Variants in NKAIN2 observed in about 807,000 individuals in gnomAD.
NKAIN2 encodes the protein sodium/potassium-transporting ATPase subunit beta-1-interacting protein 2.
A neutral mutation model predicts 32.6 loss-of-function variants in NKAIN2; 14 were observed. The ratio of observed to expected loss-of-function variants is 0.43; its 90% CI spans 0.28 to 0.67. NKAIN2 has a LOEUF of 0.67. NKAIN2 is among the 30% of genes least tolerant of loss of function. The pLI is 0.17. For synonymous variants in NKAIN2, 80 were observed against 87.2 expected, an observed-to-expected ratio of 0.92 and a Z score of 0.46; for missense variants, 198 against 258.3, an observed-to-expected ratio of 0.77 and a Z score of 1.60.
intron 3 of NKAIN2, among the ~76,000 whole-genome samples, chr6:124,357,130 G>T (rs1373756526): frequency 2.0e-5 from 3 of 152,040 alleles, no homozygotes; most frequent in African/African-American, 7.2e-5. Context: ...TCTATCCCTT[G>T]GCAATGAAAC....
intron 1 of NKAIN2, among the ~76,000 whole-genome samples, chr6:123,876,599 G>A (rs1244266829): frequency 2.0e-5 from 3 of 152,202 alleles, no homozygotes; most frequent in African/African-American, 7.2e-5. Flanking sequence ...GCTGTTGGTA[G>A]GGAGTCCAGT....
intron 1 of NKAIN2, among the ~76,000 whole-genome samples, chr6:124,065,029 C>A (rs1239167582): frequency 6.6e-6 from 1 of 152,054 alleles, no homozygotes; most frequent in Non-Finnish European, 1.5e-5. Flanking sequence ...AAGAGTGGAC[C>A]ATGAAAATCC....
intron 3 of NKAIN2, among the ~76,000 whole-genome samples, chr6:124,416,581 A>T (rs1774498115): frequency 6.6e-6 from 1 of 152,124 alleles, no homozygotes; most frequent in South Asian, 2.1e-4. Flanking sequence ...TGAGGTTGTG[A>T]TGATCCAGGA....
chr6:124,768,893 T>C (rs1455811488), intron 4 of NKAIN2, among the ~76,000 whole-genome samples: 1 of 152,174 alleles, frequency 6.6e-6, no homozygotes, highest in Non-Finnish European at 1.5e-5. Flanking sequence ...AAAACCCATT[T>C]TATAGTGTCA....
At chr6:123,810,463 A>G (rs1773413646) in intron 1 of NKAIN2, among the ~76,000 whole-genome samples, 1 of 152,170 alleles carries the variant, frequency 6.6e-6, no homozygotes, top group African/African-American at 2.4e-5. Flanking sequence ...TTTGACAACT[A>G]TGAGCAGCTG....
intron 1 of NKAIN2, among the ~76,000 whole-genome samples, chr6:124,186,101 G>A (rs1010624503): frequency 7.7e-6 from 1 of 129,746 alleles, no homozygotes; most frequent in Non-Finnish European, 1.6e-5. Flanking sequence ...AGGCAACATA[G>A]TAAGACCCTG....
chr6:123,994,442 G>C (rs7742837), intron 1 of NKAIN2, among the ~76,000 whole-genome samples: 68,508 of 151,890 alleles, frequency 0.45, 16,128 homozygotes, highest in East Asian at 0.61. Context: ...AGTAGGATTA[G>C]AAAGTCTGAT....
chr6:124,022,544 A>T (rs1459421635), intron 1 of NKAIN2, among the ~76,000 whole-genome samples: 1 of 152,150 alleles, frequency 6.6e-6, no homozygotes, highest in African/African-American at 2.4e-5. Context: ...CTCTTTGCCT[A>T]GGTGGATATA....
intron 4 of NKAIN2, among the ~76,000 whole-genome samples, chr6:124,714,256 G>A (rs541966977): frequency 2.0e-5 from 3 of 152,282 alleles, no homozygotes; most frequent in African/African-American, 7.2e-5. Flanking sequence ...CGAGCATTAT[G>A]AATACAGCCA....
intron 4 of NKAIN2, among the ~76,000 whole-genome samples, chr6:124,768,475 T>C (rs546746620): frequency 6.6e-5 from 10 of 152,306 alleles, no homozygotes; most frequent in Admixed American, 3.3e-4. Context: ...CTGTGAAATA[T>C]CCTTCTGCTA....
At chr6:124,776,537 A>G (rs1005198639) in intron 4 of NKAIN2, among the ~76,000 whole-genome samples, 63 of 152,142 alleles carry the variant, frequency 4.1e-4, no homozygotes, top group African/African-American at 1.4e-3. Context: ...ATAGCATGTG[A>G]TATGTGTATG....
In NKAIN2 at chr6:124,354,927, G is replaced by A. The variant is rs549662711; in HGVS notation, c.193-340G>A. 8.6e-5 allele frequency among the ~76,000 whole-genome samples: 13 copies of A among 150,986 alleles called. No individual in the cohort carries two copies. The South Asian group carries it at 1.7e-3, about 19-fold the overall frequency. On this transcript the variant is annotated intron_variant, in intron 2 of 6. Transcript: ENST00000368417. ...CCTACTAAAAATACAAAAACTAGCT[G>A]GGTGTGGTGGTGCGCACCTGTAGTC...
intron 1 of NKAIN2, among the ~76,000 whole-genome samples, chr6:124,079,305 G>A (rs1413860089): frequency 2.6e-5 from 4 of 152,212 alleles, no homozygotes; most frequent in East Asian, 3.9e-4. Context: ...GCGACAGAAC[G>A]AGACTCTGTC....
At chr6:124,385,956 T>G (rs977706644) in intron 3 of NKAIN2, among the ~76,000 whole-genome samples, 1 of 152,174 alleles carries the variant, frequency 6.6e-6, no homozygotes, top group Admixed American at 6.6e-5. Flanking sequence ...AAGACACTTA[T>G]GTAAGCAATG....
chr6:124,301,403 G>A (rs1201632100), intron 2 of NKAIN2, among the ~76,000 whole-genome samples: 1 of 152,210 alleles, frequency 6.6e-6, no homozygotes, highest in African/African-American at 2.4e-5. Flanking sequence ...AGTGCAGAAG[G>A]GAAATGTGTG....
chr6:124,737,676 G>A lies in NKAIN2; in HGVS notation c.475-53663G>A, dbSNP rs140092518. Among the ~76,000 whole-genome samples, 782 of 151,968 alleles carry A rather than the reference G, an allele frequency of 5.1e-3. 5 individuals carry two copies. Among genetic ancestry groups the A allele is most frequent in the Middle Eastern group, 0.01 (3 of 294 alleles). ...TGGAGGGCTCAGAAGACAGAAAGAC[G>A]TGGGAAAGTTTGGAACTTCCTTGAG... is the stretch of plus-strand genomic sequence containing the variant. On this transcript the variant is annotated intron_variant, in intron 4 of 6. Coordinates refer to ENST00000368417, the MANE Select transcript of NKAIN2 (RefSeq NM_001040214.3).
chr6:123,856,575 C>T (rs983331431), intron 1 of NKAIN2, among the ~76,000 whole-genome samples: 1 of 152,160 alleles, frequency 6.6e-6, no homozygotes, highest in Non-Finnish European at 1.5e-5. Context: ...TAAACAGAAT[C>T]TTGCCTCAGG....
At chr6:123,811,966 C>T (rs1773495019) in intron 1 of NKAIN2, among the ~76,000 whole-genome samples, 1 of 152,134 alleles carries the variant, frequency 6.6e-6, no homozygotes, top group African/African-American at 2.4e-5. Context: ...CATTGTTCTT[C>T]AGGCCAGTAT....
intron 3 of NKAIN2, among the ~76,000 whole-genome samples, chr6:124,558,721 G>A (rs375142413): frequency 6.6e-6 from 1 of 152,200 alleles, no homozygotes; most frequent in Non-Finnish European, 1.5e-5. Context: ...GCCAAGGCGG[G>A]TGGATCACTT....
Sources: allele counts gnomAD v4.1 joint callset (sites outside exome capture counted in the v4.1 genomes callset), GRCh38; gene constraint gnomAD v4.1.1; transcripts MANE v1.5; gene names NCBI Gene and HGNC (gene_info 2026-07-23, HGNC 2026-07-21).